GRM7: variants seen among roughly 807,000 people sequenced by gnomAD.
GRM7 encodes metabotropic glutamate receptor 7.
In GRM7, 35 loss-of-function variants were observed where a neutral mutation model predicts 84.5. The ratio of observed to expected loss-of-function variants is 0.41; its 90% CI spans 0.32 to 0.55. The LOEUF (loss-of-function observed/expected upper bound fraction) is 0.55, where lower values mean the gene tolerates loss of function less well. Among genes scored for constraint, GRM7 ranks in the 20% least tolerant of loss-of-function variants. GRM7 has a pLI of 0.19. For missense variants in GRM7, 1,003 were observed against 1,194.6 expected (o/e 0.84, Z 2.36); for synonymous variants, 487 against 455.1 (o/e 1.07, Z -0.89).
intron 9 of GRM7, among the ~76,000 whole-genome samples, chr3:7,736,805 T>C (rs1702515886): frequency 6.6e-6 from 1 of 152,220 alleles, no homozygotes; most frequent in African/African-American, 2.4e-5. Flanking sequence ...TTATCCTTTT[T>C]GGATGTTTAA....
intron 2 of GRM7, among the ~76,000 whole-genome samples, chr3:7,274,584 A>G (rs1361343139): frequency 6.6e-6 from 1 of 152,060 alleles, no homozygotes; most frequent in African/African-American, 2.4e-5. Context: ...CAAATTAAGT[A>G]TTTAACTCCA....
chr3:7,497,417 A>G (rs1233154487), intron 7 of GRM7, among the ~76,000 whole-genome samples: 1 of 152,140 alleles, frequency 6.6e-6, no homozygotes, highest in Admixed American at 6.5e-5. Context: ...TCTTCCTTCC[A>G]TGATCAAAAG....
chr3:6,892,963 C>G (rs1696025698), intron 1 of GRM7: 1 of 152,000 alleles, frequency 6.6e-6, no homozygotes, highest in Admixed American at 6.6e-5. Flanking sequence ...GTAATGTGTC[C>G]TCTTTCTGTC....
At chr3:7,512,658 G>C (rs188243715) in intron 7 of GRM7, among the ~76,000 whole-genome samples, 13 of 151,584 alleles carry the variant, frequency 8.6e-5, no homozygotes, top group African/African-American at 3.1e-4. Flanking sequence ...GTGTTTGTGG[G>C]TGTTCTTTCT....
chr3:7,104,068 G>A (rs567955169), intron 1 of GRM7, among the ~76,000 whole-genome samples: 1 of 151,346 alleles, frequency 6.6e-6, no homozygotes, highest in South Asian at 2.1e-4. Context: ...AGATAATTAG[G>A]TCTAAATGAG....
chr3:7,530,333 C>T lies in GRM7; in HGVS notation c.1516-48089C>T, dbSNP rs756789487. Among the ~76,000 whole-genome samples the T allele has an allele frequency of 5.9e-4, 90 of 152,114 alleles. 1 individual carries two copies. Among genetic ancestry groups the T allele is most frequent in the Non-Finnish European group, 7.2e-4 (49 of 68,020 alleles). ...GTATATGTGCCGCATTTTCTTTATC[C>T]AGTCTATCATTAATGGACATTTGGG... On this transcript the variant is annotated intron_variant, in intron 7 of 9. Transcript: ENST00000357716.
chr3:7,373,152 T>G (rs1013216871), intron 4 of GRM7, among the ~76,000 whole-genome samples: 1 of 152,146 alleles, frequency 6.6e-6, no homozygotes, highest in African/African-American at 2.4e-5. Flanking sequence ...ACTATCTGCT[T>G]AATACCTTAA....
chr3:7,179,323 TTC>T (rs1385481949), intron 2 of GRM7, among the ~76,000 whole-genome samples: 5 of 152,168 alleles, frequency 3.3e-5, no homozygotes, highest in Admixed American at 3.3e-4. Flanking sequence ...TCCCAATCAT[TTC>T]TGTTTGTTTC....
intron 1 of GRM7, among the ~76,000 whole-genome samples, chr3:7,128,208 T>G (rs1693465443): frequency 6.6e-6 from 1 of 151,978 alleles, no homozygotes; most frequent in Non-Finnish European, 1.5e-5. Context: ...ACACTTGTTT[T>G]TCAGAGTGTA....
intron 7 of GRM7, among the ~76,000 whole-genome samples, chr3:7,533,306 A>G (rs544863745): frequency 8.1e-4 from 123 of 152,358 alleles, no homozygotes; most frequent in Non-Finnish European, 1.4e-3. Context: ...CTCTCAGACC[A>G]CAGTGCAATC....
intron 2 of GRM7, among the ~76,000 whole-genome samples, chr3:7,185,808 T>A (rs1342949946): frequency 6.6e-6 from 1 of 152,202 alleles, no homozygotes; most frequent in Non-Finnish European, 1.5e-5. Context: ...AACTAATACC[T>A]GATGCTTTGC....
chr3:7,124,009 G>A (rs979675), intron 1 of GRM7, among the ~76,000 whole-genome samples: 6,419 of 152,102 alleles, frequency 0.042, 441 homozygotes, highest in African/African-American at 0.15. Context: ...TTGATCTAGT[G>A]CCTTTTTCTA....
intron 8 of GRM7, among the ~76,000 whole-genome samples, chr3:7,656,215 C>T (rs369786830): frequency 5.3e-5 from 8 of 151,988 alleles, no homozygotes; most frequent in South Asian, 2.1e-4. Context: ...CCTGGCTGGG[C>T]GCGATGGCTC....
chr3:7,117,611 C>T (rs1339545139), intron 1 of GRM7, among the ~76,000 whole-genome samples: 6 of 152,172 alleles, frequency 3.9e-5, no homozygotes, highest in Admixed American at 2.0e-4. Flanking sequence ...CAGTTATCCT[C>T]ATGCTCTCCC....
intron 4 of GRM7, among the ~76,000 whole-genome samples, chr3:7,344,046 A>T (rs1047354687): frequency 8.5e-5 from 13 of 152,158 alleles, no homozygotes; most frequent in African/African-American, 3.1e-4. Flanking sequence ...AATTATTCAT[A>T]TAAAAAGATA....
chr3:7,597,355 C>T (rs77156300), intron 8 of GRM7, among the ~76,000 whole-genome samples: 8,565 of 152,224 alleles, frequency 0.056, 283 homozygotes, highest in Middle Eastern at 0.085. Flanking sequence ...CACCAGGCCC[C>T]ATCTCCCACA....
At position 7,721,546 on chromosome 3, in the gene GRM7, T is replaced by C. The variant is rs139380164; in HGVS notation, c.2699-18811T>C. ...CATAGATCAATTCTTCACTGCAAAA[T>C]TGAGTAGTGAATAAATAAACTTACT... On this transcript the variant is annotated intron_variant, in intron 9 of 9. Transcript: ENST00000357716. 1.3e-3 allele frequency among the ~76,000 whole-genome samples: 198 copies of C among 152,322 alleles called. 2 individuals are homozygous for C. The highest frequency in any genetic ancestry group is 4.6e-3 in the African/African-American group (193 of 41,572).
chr3:7,578,724 C>T lies in GRM7; in HGVS notation c.1818C>T (p.Ile606=). ...CAATGTTGGGGATCATTGCCACCATCTTTGTCATGGCCACTTTCATCCGCT... is the reference window on the plus strand; with the variant it reads ...CAATGTTGGGGATCATTGCCACCATTTTTGTCATGGCCACTTTCATCCGCT... ...FLAMLGIIAT[I]FVMATFIRYN... is the part of the protein sequence containing the mutation. Residue 606 remains isoleucine (I), a synonymous_variant, in exon 8 of 10, where the codon ATC becomes ATT. Coordinates refer to ENST00000357716, the MANE Select transcript of GRM7 (RefSeq NM_000844.4). 6.2e-7 allele frequency: 1 copy of T among 1,614,166 alleles called. No homozygotes were observed. The highest frequency in any genetic ancestry group is 8.5e-7 in the Non-Finnish European group (1 of 1,180,000).
At chr3:7,057,006 T>C (rs1034891812) in intron 1 of GRM7, among the ~76,000 whole-genome samples, 3 of 151,952 alleles carry the variant, frequency 2.0e-5, no homozygotes, top group Non-Finnish European at 4.4e-5. Flanking sequence ...ACATACTAAC[T>C]TGGATTTTGT....
Sources: allele counts gnomAD v4.1 joint callset (sites outside exome capture counted in the v4.1 genomes callset), GRCh38; gene constraint gnomAD v4.1.1; transcripts MANE v1.5; gene names NCBI Gene and HGNC (gene_info 2026-07-23, HGNC 2026-07-21).